The following PPP1R12B variants were observed in gnomAD, a reference collection of about 807,000 sequenced individuals.
PPP1R12B encodes myosin phosphatase target subunit 2.
PPP1R12B carries 76 observed loss-of-function variants against 126.1 expected under a neutral mutation model. The ratio of observed to expected loss-of-function variants is 0.60; its 90% confidence interval spans 0.50 to 0.73. The LOEUF (loss-of-function observed/expected upper bound fraction) is 0.73. PPP1R12B is among the 30% of genes least tolerant of loss of function. The probability of loss-of-function intolerance (pLI) is 0.00; values close to 1 mark genes in which losing one functional copy is unlikely to be tolerated. For missense variants in PPP1R12B, 1,052 were observed against 1,205.1 expected (o/e 0.87, Z 1.88); for synonymous variants, 356 against 434.7 (o/e 0.82, Z 2.25).
intron 18 of PPP1R12B, among the ~76,000 whole-genome samples, chr1:202,539,595 C>A (rs1280323984): frequency 6.6e-6 from 1 of 152,112 alleles, no homozygotes; most frequent in Non-Finnish European, 1.5e-5. Flanking sequence ...CTGATTTTAT[C>A]ATAGTAGTTC....
intron 1 of PPP1R12B, among the ~76,000 whole-genome samples, chr1:202,363,511 GT>G: frequency 6.6e-6 from 1 of 152,208 alleles, no homozygotes; most frequent in East Asian, 1.9e-4. Context: ...ATCATTAATC[GT>G]TTTGTCTATC....
chr1:202,540,660 A>G (rs375006982), intron 18 of PPP1R12B, among the ~76,000 whole-genome samples: 2 of 152,222 alleles, frequency 1.3e-5, no homozygotes, highest in Non-Finnish European at 2.9e-5. Context: ...CCACACAACT[A>G]TATACATTAA....
chr1:202,546,315 A>G (rs1157400600), intron 18 of PPP1R12B, among the ~76,000 whole-genome samples: 1 of 152,156 alleles, frequency 6.6e-6, no homozygotes, highest in East Asian at 1.9e-4. Flanking sequence ...AGAAAATGGT[A>G]TGATAAGTAT....
At chr1:202,365,283 CCTAAGT>C (rs1269783363) in intron 1 of PPP1R12B, among the ~76,000 whole-genome samples, 1 of 151,718 alleles carries the variant, frequency 6.6e-6, no homozygotes, top group African/African-American at 2.4e-5. Flanking sequence ...ACAGGGAAAT[CCTAAGT>C]CTAAAAAAAA....
At chr1:202,428,049 A>G (rs1669777758) in intron 5 of PPP1R12B, among the ~76,000 whole-genome samples, 1 of 290 alleles carries the variant, frequency 3.4e-3, no homozygotes, top group South Asian at 0.17. Context: ...GGCTCAAGTG[A>G]TTCCCAGCCT....
At chr1:202,447,386 C>T (rs923365080) in intron 12 of PPP1R12B, among the ~76,000 whole-genome samples, 1 of 152,176 alleles carries the variant, frequency 6.6e-6, no homozygotes, top group Non-Finnish European at 1.5e-5. Flanking sequence ...CTGTTTGTAT[C>T]TGCTGAGTTT....
intron 13 of PPP1R12B, among the ~76,000 whole-genome samples, chr1:202,468,141 T>C (rs979091185): frequency 2.0e-5 from 3 of 152,178 alleles, no homozygotes; most frequent in African/African-American, 7.2e-5. Flanking sequence ...GTCAGATGAG[T>C]AGGTTGCAAA....
chr1:202,515,073 AT>A (rs1238680490), intron 18 of PPP1R12B, among the ~76,000 whole-genome samples: 10 of 152,236 alleles, frequency 6.6e-5, no homozygotes, highest in African/African-American at 2.4e-4. Context: ...GTTGTCACTT[AT>A]AAGTGGAAGC....
At position 202,585,517 on chromosome 1, in the gene PPP1R12B, T is replaced by TATG. The variant is rs1165630059; in HGVS notation, c.*4958_*4960dup. On this transcript the variant is annotated 3_prime_UTR_variant, in exon 24 of 24. Coordinates refer to ENST00000608999, the MANE Select transcript of PPP1R12B (RefSeq NM_002481.4). ...AAATGAGGTTGGACTGGATAATCTT[T>TATG]ATGTGCCCTTTCCTTTTGGCTTAAA... 6.6e-6 allele frequency: 1 copy of TATG among 152,258 alleles called. No homozygotes were observed. Among genetic ancestry groups the TATG allele is most frequent in the African/African-American group, 2.4e-5 (1 of 41,468 alleles). 9.4% of individuals were successfully genotyped at this position (152,258 alleles called of 1,614,324 possible). A position where few individuals can be genotyped will look rare whatever the true frequency, so the allele number is the denominator to read the frequency against.
intron 1 of PPP1R12B, chr1:202,370,112 C>G (rs1276148238): frequency 4.1e-6 from 1 of 245,390 alleles, no homozygotes; most frequent in Non-Finnish European, 8.1e-6. Context: ...CACTTCTGAA[C>G]AAAACTCTTC....
At chr1:202,567,521 A>G in intron 21 of PPP1R12B, 1 of 477,082 alleles carries the variant, frequency 2.1e-6, no homozygotes, top group South Asian at 3.5e-5. Context: ...GTGTGTTGTA[A>G]GTAATTTCTT....
Position 202,503,725 on chromosome 1 carries a change from C to T in PPP1R12B, c.2490+6903C>T, listed in dbSNP as rs368816389. Among the ~76,000 whole-genome samples, 20 of 151,212 alleles carry T rather than the reference C, an allele frequency of 1.3e-4. No individual in the cohort carries two copies. In the East Asian group the frequency reaches 2.7e-3, roughly 21 times the overall value. On this transcript the variant is annotated intron_variant, in intron 18 of 23. Transcript: ENST00000608999. The stretch of plus-strand genomic sequence containing the variant: ...ATGCAGTTTCCCCCTTTTTCCAAAA[C>T]GAAATCAAACAAAACACATGGAACA...
At chr1:202,370,654 A>G (rs2361454) in intron 1 of PPP1R12B, among the ~76,000 whole-genome samples, 62,294 of 151,826 alleles carry the variant, frequency 0.41, 14,739 homozygotes, top group East Asian at 0.7. Flanking sequence ...CTCCTGCCTC[A>G]GCCTCCCTAG....
chr1:202,502,447 C>T (rs1210586638), intron 18 of PPP1R12B: 8 of 984,022 alleles, frequency 8.1e-6, no homozygotes, highest in Non-Finnish European at 9.7e-6. Context: ...TACCAGAAGC[C>T]ACTAAATGCA....
At chr1:202,554,542 A>T (rs1686683393) in intron 18 of PPP1R12B, among the ~76,000 whole-genome samples, 1 of 152,118 alleles carries the variant, frequency 6.6e-6, no homozygotes, top group African/African-American at 2.4e-5. Context: ...AATATTTAAA[A>T]AAATAAAAAA....
chr1:202,446,245 TATATATA>T (rs1672252376), intron 12 of PPP1R12B, among the ~76,000 whole-genome samples: 1 of 63,198 alleles, frequency 1.6e-5, no homozygotes, highest in African/African-American at 7.8e-5. Flanking sequence ...TCTATATATA[TATATATA>T]TATATTTTTT....
At chr1:202,485,115 G>T (rs1677913278) in intron 13 of PPP1R12B, among the ~76,000 whole-genome samples, 2 of 152,202 alleles carry the variant, frequency 1.3e-5, no homozygotes, top group South Asian at 4.1e-4. Context: ...ATGTACCGGT[G>T]AGGGGACTGG....
In PPP1R12B at chr1:202,460,251, T is replaced by G. The variant is rs374203889; in HGVS notation, c.1850+11080T>G. Among the ~76,000 whole-genome samples, 98 of 152,352 alleles carry G rather than the reference T, an allele frequency of 6.4e-4. No individual in the cohort carries two copies. In the South Asian group the frequency reaches 0.011, roughly 17 times the overall value. ...ATAAGCTAAAATTGTCTTTCCCAAA[T>G]AGCTCACATTACATATGACTCTGCT... On this transcript the variant is annotated intron_variant, in intron 13 of 23. Transcript: ENST00000608999.
intron 13 of PPP1R12B, among the ~76,000 whole-genome samples, chr1:202,478,101 C>CT (rs1676905139): frequency 6.6e-6 from 1 of 152,196 alleles, no homozygotes; most frequent in Non-Finnish European, 1.5e-5. Flanking sequence ...GGCTGCAATG[C>CT]TTCTCAGAAA....
Sources: gnomAD v4.1 joint callset for allele counts (sites outside exome capture counted in the v4.1 genomes callset) on GRCh38, gnomAD v4.1.1 for gene constraint, MANE v1.5 for transcripts, NCBI Gene and HGNC (gene_info 2026-07-23, HGNC 2026-07-21) for gene names.